Variants in RBMS3 observed in about 807,000 individuals in gnomAD.
RBMS3 encodes RNA binding motif single stranded interacting protein 3, also known as RNA-binding motif, single-stranded-interacting protein 3.
A neutral mutation model predicts 66.8 loss-of-function variants in RBMS3; 27 were observed. The observed-to-expected ratio is 0.40, with a 90% CI of 0.30 to 0.56. RBMS3 has a LOEUF of 0.56. Among genes scored for constraint, RBMS3 ranks in the 20% least tolerant of loss-of-function variants. The pLI is 0.40. For missense variants in RBMS3, 513 were observed against 549.5 expected (o/e 0.93, Z 0.66); for synonymous variants, 188 against 183.0 (o/e 1.03, Z -0.22).
At chr3:29,676,073 C>T (rs1029061581) in intron 4 of RBMS3, among the ~76,000 whole-genome samples, 45 of 152,292 alleles carry the variant, frequency 3.0e-4, no homozygotes, top group South Asian at 8.3e-4. Context: ...GGCACATATA[C>T]ACCATGGAAT....
At chr3:29,707,027 A>G (rs559322883) in intron 4 of RBMS3, among the ~76,000 whole-genome samples, 2 of 152,302 alleles carry the variant, frequency 1.3e-5, no homozygotes, top group East Asian at 3.9e-4. Flanking sequence ...TGAGCTTTGT[A>G]CTTTTCAAAT....
At chr3:29,882,853 A>G (rs989237050) in intron 7 of RBMS3, among the ~76,000 whole-genome samples, 5 of 152,066 alleles carry the variant, frequency 3.3e-5, no homozygotes, top group Admixed American at 1.3e-4. Flanking sequence ...ATCCTTTACA[A>G]AACTCTTCAT....
chr3:29,962,524 G>A (rs1696540735), intron 12 of RBMS3, among the ~76,000 whole-genome samples: 2 of 136,936 alleles, frequency 1.5e-5, no homozygotes, highest in African/African-American at 6.2e-5. Context: ...CTGAGTTAAA[G>A]CTCTGTTTTT....
intron 11 of RBMS3, among the ~76,000 whole-genome samples, chr3:29,937,621 C>T (rs1306490430): frequency 1.3e-5 from 2 of 151,878 alleles, no homozygotes; most frequent in South Asian, 2.1e-4. Context: ...AAAAAGCAGT[C>T]GATGGTAACT....
At chr3:29,372,026 C>T (rs56366604) in intron 1 of RBMS3, among the ~76,000 whole-genome samples, 20,822 of 152,104 alleles carry the variant, frequency 0.14, 1,453 homozygotes, top group East Asian at 0.24. Flanking sequence ...GATCACAGAA[C>T]AACAAGCATA....
chr3:29,477,464 C>A (rs538975820), intron 2 of RBMS3, among the ~76,000 whole-genome samples: 1 of 152,018 alleles, frequency 6.6e-6, no homozygotes, highest in Non-Finnish European at 1.5e-5. Context: ...AACAAACAAA[C>A]AAACAAACAA....
chr3:29,647,234 C>T (rs1038515854), intron 4 of RBMS3, among the ~76,000 whole-genome samples: 2 of 152,202 alleles, frequency 1.3e-5, no homozygotes, highest in African/African-American at 4.8e-5. Flanking sequence ...CTGCCTCGGC[C>T]ACCCAAAGTG....
chr3:29,902,991 G>C (rs562086629), intron 10 of RBMS3: 1 of 152,078 alleles, frequency 6.6e-6, no homozygotes, highest in South Asian at 2.1e-4. Flanking sequence ...AGAGAGAAAT[G>C]AAATGGCACA....
intron 2 of RBMS3, among the ~76,000 whole-genome samples, chr3:29,445,523 C>T (rs1420556278): frequency 6.6e-6 from 1 of 151,970 alleles, no homozygotes; most frequent in Non-Finnish European, 1.5e-5. Context: ...GTAAGTTGGA[C>T]TCGTTGAATG....
At chr3:29,828,429 C>T (rs1349826029) in intron 6 of RBMS3, among the ~76,000 whole-genome samples, 1 of 152,124 alleles carries the variant, frequency 6.6e-6, no homozygotes, top group African/African-American at 2.4e-5. Flanking sequence ...TCTTCTGAAA[C>T]TGTTTAGCAT....
At chr3:29,756,692 T>C (rs140587149) in intron 5 of RBMS3, among the ~76,000 whole-genome samples, 8 of 152,190 alleles carry the variant, frequency 5.3e-5, no homozygotes, top group African/African-American at 1.2e-4. Context: ...ATCACCAAGC[T>C]ACCCACATTT....
At chr3:29,389,914 G>T (rs1394240508) in intron 1 of RBMS3, among the ~76,000 whole-genome samples, 2 of 152,132 alleles carry the variant, frequency 1.3e-5, no homozygotes, top group African/African-American at 4.8e-5. Flanking sequence ...GAATGGGGCG[G>T]GGGCTCCTGG....
intron 14 of RBMS3, among the ~76,000 whole-genome samples, chr3:29,998,071 T>C (rs573783610): frequency 1.3e-5 from 2 of 152,170 alleles, no homozygotes; most frequent in Admixed American, 1.3e-4. Flanking sequence ...TTCAGCAAAG[T>C]CTCAGGATAC....
At chr3:29,367,058 T>C (rs2037949983) in intron 1 of RBMS3, among the ~76,000 whole-genome samples, 1 of 152,266 alleles carries the variant, frequency 6.6e-6, no homozygotes, top group East Asian at 1.9e-4. Flanking sequence ...TACAAATTTG[T>C]ATATAACATC....
chr3:29,856,892 C>T (rs2059090235), intron 6 of RBMS3, among the ~76,000 whole-genome samples: 1 of 152,156 alleles, frequency 6.6e-6, no homozygotes, highest in Admixed American at 6.5e-5. Context: ...AACTCAGTTT[C>T]TAGGACCTGG....
At chr3:29,873,043 G>A (rs1483177067) in intron 7 of RBMS3, among the ~76,000 whole-genome samples, 3 of 152,088 alleles carry the variant, frequency 2.0e-5, no homozygotes, top group Admixed American at 1.3e-4. Flanking sequence ...CTCCAACTTT[G>A]TTCTTTCTGC....
intron 12 of RBMS3, among the ~76,000 whole-genome samples, chr3:29,982,609 C>T (rs557404797): frequency 3.3e-5 from 5 of 152,126 alleles, no homozygotes; most frequent in African/African-American, 9.6e-5. Flanking sequence ...GATTCTGGTA[C>T]GTTGTGTCTG....
chr3:29,446,903 A>G (rs1031848172), intron 2 of RBMS3, among the ~76,000 whole-genome samples: 2 of 128,474 alleles, frequency 1.6e-5, no homozygotes, highest in African/African-American at 5.4e-5. Flanking sequence ...TCCATTAAGC[A>G]GTCTTTTTTT....
At chr3:29,474,752 A>G (rs2042886104) in intron 2 of RBMS3, among the ~76,000 whole-genome samples, 1 of 152,238 alleles carries the variant, frequency 6.6e-6, no homozygotes, top group Non-Finnish European at 1.5e-5. Context: ...GGTGAGTGAA[A>G]TATTTATAGA....
Sources: gnomAD v4.1 joint callset for allele counts (sites outside exome capture counted in the v4.1 genomes callset) on GRCh38, gnomAD v4.1.1 for gene constraint, MANE v1.5 for transcripts, NCBI Gene and HGNC (gene_info 2026-07-23, HGNC 2026-07-21) for gene names.